LINGO2: variants seen among roughly 807,000 people sequenced by gnomAD.
LINGO2 encodes the protein leucine rich repeat and Ig domain containing 2.
LINGO2 carries 14 observed loss-of-function variants against 30.6 expected under a neutral mutation model. That is an observed-to-expected ratio of 0.46 (90% CI 0.30 to 0.72). The LOEUF is 0.72. Ranked by LOEUF, LINGO2 falls within the 30% of genes least tolerant of loss-of-function variation. The pLI is 0.07. For synonymous variants in LINGO2, 317 were observed against 288.5 expected (o/e 1.10, Z -1.00); for missense variants, 729 against 751.7 (o/e 0.97, Z 0.35).
chr9:28,634,485 C>CTTTTTTTTT (rs755583837), intron 1 of LINGO2, among the ~76,000 whole-genome samples: 51 of 124,642 alleles, frequency 4.1e-4, no homozygotes, highest in African/African-American at 7.1e-4. Flanking sequence ...TTCTTTTTTT[C>CTTTTTTTTT]TTTTTTTTTT....
intron 4 of LINGO2, among the ~76,000 whole-genome samples, chr9:28,294,352 A>C (rs1358963713): frequency 6.6e-6 from 1 of 152,206 alleles, no homozygotes; most frequent in Non-Finnish European, 1.5e-5. Flanking sequence ...TTTCTAAATA[A>C]AGGAATTTTA....
At chr9:28,569,703 C>T (rs1413155375) in intron 1 of LINGO2, among the ~76,000 whole-genome samples, 1 of 151,762 alleles carries the variant, frequency 6.6e-6, no homozygotes, top group Non-Finnish European at 1.5e-5. Context: ...GGAGATCTAA[C>T]ATACAGCATG....
the LINGO2 span, among the ~76,000 whole-genome samples, chr9:28,825,968 C>A: frequency 6.6e-6 from 1 of 152,082 alleles, no homozygotes; most frequent in Non-Finnish European, 1.5e-5. Flanking sequence ...TATGATGATT[C>A]CTCTGGCTCT....
chr9:28,243,469 AAAG>A (rs60542220), intron 4 of LINGO2, among the ~76,000 whole-genome samples: 3 of 145,160 alleles, frequency 2.1e-5, no homozygotes, highest in African/African-American at 5.2e-5. Flanking sequence ...AAAAATAAAA[AAAG>A]AAGAAGAAGA....
At chr9:28,544,647 G>T (rs200134995) in intron 1 of LINGO2, among the ~76,000 whole-genome samples, 4 of 46,610 alleles carry the variant, frequency 8.6e-5, no homozygotes, top group Non-Finnish European at 2.7e-4. Context: ...GTTACAACAA[G>T]AAGAATAGCA....
intron 4 of LINGO2, among the ~76,000 whole-genome samples, chr9:28,245,499 AC>A (rs1821964729): frequency 6.6e-6 from 1 of 152,190 alleles, no homozygotes. Flanking sequence ...TTAGGAAGAG[AC>A]AAAGTCAAAC....
intron 4 of LINGO2, among the ~76,000 whole-genome samples, chr9:28,262,136 T>A (rs1259973035): frequency 1.3e-5 from 2 of 152,026 alleles, no homozygotes; most frequent in Non-Finnish European, 2.9e-5. Context: ...ATGCTTTTTT[T>A]AAATTTCTTT....
intron 5 of LINGO2, among the ~76,000 whole-genome samples, chr9:27,974,665 T>C (rs975274646): frequency 2.0e-5 from 3 of 152,296 alleles, no homozygotes; most frequent in Admixed American, 6.5e-5. Flanking sequence ...GATTACTGAA[T>C]GGACGTTTTG....
intron 3 of LINGO2, among the ~76,000 whole-genome samples, chr9:28,323,319 C>T (rs745710616): frequency 1.3e-5 from 2 of 152,022 alleles, no homozygotes; most frequent in African/African-American, 4.8e-5. Flanking sequence ...TAAGAAACAA[C>T]CTGGGTGCGG....
At chr9:27,943,602 G>A (rs970928861), downstream of LINGO2, 10 of 107,592 alleles carry the variant, frequency 9.3e-5, no homozygotes, top group Admixed American at 1.1e-3. Context: ...AGTGTTATGT[G>A]AGATAGCTGG....
chr9:28,553,444 G>C (rs900501560), intron 1 of LINGO2, among the ~76,000 whole-genome samples: 7 of 151,966 alleles, frequency 4.6e-5, no homozygotes, highest in Non-Finnish European at 7.4e-5. Context: ...GGGAAGTTTA[G>C]AGAAAAAAGA....
At chr9:29,184,475 T>C in the LINGO2 span, among the ~76,000 whole-genome samples, 3 of 152,138 alleles carry the variant, frequency 2.0e-5, no homozygotes, top group Non-Finnish European at 4.4e-5. Context: ...GGAGGATGCT[T>C]CTGCTTCCAA....
chr9:28,638,942 C>G (rs1827428717), intron 1 of LINGO2, among the ~76,000 whole-genome samples: 1 of 152,134 alleles, frequency 6.6e-6, no homozygotes, highest in Middle Eastern at 3.4e-3. Context: ...TTCCTGCTTT[C>G]TCTTGTGGGC....
chr9:28,844,745 A>G, the LINGO2 span, among the ~76,000 whole-genome samples: 1 of 151,914 alleles, frequency 6.6e-6, no homozygotes, highest in East Asian at 1.9e-4. Context: ...AAAGTAGACT[A>G]TTGGTATTAT....
chr9:28,222,100 T>C (rs568267685), intron 4 of LINGO2, among the ~76,000 whole-genome samples: 1 of 152,262 alleles, frequency 6.6e-6, no homozygotes, highest in East Asian at 1.9e-4. Context: ...ATAAAAAAAT[T>C]ATAGAACAAA....
intron 4 of LINGO2, among the ~76,000 whole-genome samples, chr9:28,146,515 T>A (rs554765803): frequency 6.6e-6 from 1 of 152,218 alleles, no homozygotes; most frequent in East Asian, 1.9e-4. Flanking sequence ...AGTAATCGAT[T>A]TTTTAGAAAA....
the LINGO2 span, among the ~76,000 whole-genome samples, chr9:28,924,260 A>G: frequency 6.6e-6 from 1 of 152,014 alleles, no homozygotes; most frequent in Admixed American, 6.6e-5. Context: ...TCACTCTGTC[A>G]CCCAGGCTGG....
chr9:28,041,097 C>T (rs1172881873), intron 4 of LINGO2, among the ~76,000 whole-genome samples: 1 of 152,082 alleles, frequency 6.6e-6, no homozygotes, highest in Admixed American at 6.5e-5. Flanking sequence ...TAAAACTTTC[C>T]AAAAAAGCTA....
the LINGO2 span, among the ~76,000 whole-genome samples, chr9:29,061,741 T>A: frequency 6.6e-6 from 1 of 151,874 alleles, no homozygotes; most frequent in Non-Finnish European, 1.5e-5. Context: ...AAACATAGGG[T>A]AAAAGCTTCA....
Sources: allele counts gnomAD v4.1 joint callset (sites outside exome capture counted in the v4.1 genomes callset), GRCh38; gene constraint gnomAD v4.1.1; transcripts MANE v1.5; gene names NCBI Gene and HGNC (gene_info 2026-07-23, HGNC 2026-07-21).